WDR49: variants seen among roughly 807,000 people sequenced by gnomAD.
WDR49 encodes the protein cilia- and flagella-associated protein 337.
Under a neutral mutation model 119.5 loss-of-function variants are expected in WDR49, and 107 were observed. That is an observed-to-expected ratio of 0.90 (90% CI 0.77 to 1.05). The LOEUF (loss-of-function observed/expected upper bound fraction) is 1.05, where lower values mean the gene tolerates loss of function less well. WDR49 is among the 50% of genes least tolerant of loss of function. WDR49 has a pLI of 0.00. For synonymous variants in WDR49, 425 were observed against 418.8 expected (o/e 1.01, Z -0.18); for missense variants, 1,240 against 1,220.5 (o/e 1.02, Z -0.24).
At chr3:167,651,456 C>A (rs1718375062) in intron 2 of WDR49, among the ~76,000 whole-genome samples, 1 of 152,166 alleles carries the variant, frequency 6.6e-6, no homozygotes. Flanking sequence ...TCATCTAGTG[C>A]ATCATTCTTC....
At chr3:167,618,449 TAA>T (rs1716706385) in intron 5 of WDR49, among the ~76,000 whole-genome samples, 1 of 152,182 alleles carries the variant, frequency 6.6e-6, no homozygotes, top group Admixed American at 6.5e-5. Context: ...ATAATTCAAA[TAA>T]AGTGTTTAAA....
At chr3:167,578,693 C>G (rs1394099094) in intron 7 of WDR49, among the ~76,000 whole-genome samples, 2 of 152,094 alleles carry the variant, frequency 1.3e-5, no homozygotes, top group Non-Finnish European at 1.5e-5. Context: ...AGCAAGTCAT[C>G]CAGAATGGAG....
chr3:167,624,185 A>C (rs1373003189), intron 3 of WDR49, among the ~76,000 whole-genome samples: 1 of 151,948 alleles, frequency 6.6e-6, no homozygotes, highest in African/African-American at 2.4e-5. Context: ...ATAAGATATA[A>C]ATGCAGGCCT....
intron 3 of WDR49, among the ~76,000 whole-genome samples, chr3:167,624,494 C>T (rs1717030948): frequency 6.6e-6 from 1 of 152,064 alleles, no homozygotes; most frequent in South Asian, 2.1e-4. Flanking sequence ...CAAAACACTG[C>T]TAGGAAATTT....
intron 11 of WDR49, among the ~76,000 whole-genome samples, chr3:167,534,707 A>G (rs1279708852): frequency 6.6e-6 from 1 of 152,158 alleles, no homozygotes; most frequent in Non-Finnish European, 1.5e-5. Flanking sequence ...TGAAAATTTC[A>G]TGGTGCAATC....
chr3:167,530,256 T>C (rs1752799525), intron 13 of WDR49, among the ~76,000 whole-genome samples: 1 of 152,084 alleles, frequency 6.6e-6, no homozygotes, highest in African/African-American at 2.4e-5. Flanking sequence ...ACAATAAACA[T>C]AATTCAGATA....
chr3:167,562,116 A>G (rs1713300961), intron 8 of WDR49, among the ~76,000 whole-genome samples: 1 of 152,158 alleles, frequency 6.6e-6, no homozygotes, highest in Non-Finnish European at 1.5e-5. Context: ...GAGGGCCCAC[A>G]GCTTTCATCA....
intron 16 of WDR49, among the ~76,000 whole-genome samples, chr3:167,508,423 G>A (rs1046495476): frequency 6.6e-6 from 1 of 152,252 alleles, no homozygotes; most frequent in African/African-American, 2.4e-5. Context: ...TTGTGAAATG[G>A]GGATGACAAT....
At chr3:167,614,758 T>C (rs1716515021) in intron 5 of WDR49, among the ~76,000 whole-genome samples, 1 of 152,232 alleles carries the variant, frequency 6.6e-6, no homozygotes, top group African/African-American at 2.4e-5. Context: ...TAAAAATTAT[T>C]ATCATATTTG....
At chr3:167,596,920 T>G (rs1715491090) in intron 7 of WDR49, among the ~76,000 whole-genome samples, 1 of 148,832 alleles carries the variant, frequency 6.7e-6, no homozygotes, top group African/African-American at 2.5e-5. Flanking sequence ...TTGCCATACT[T>G]TACAATTTTC....
At chr3:167,654,042 C>T (rs955304488), upstream of WDR49, 2 of 152,188 alleles carry the variant, frequency 1.3e-5, no homozygotes, top group African/African-American at 4.8e-5. Flanking sequence ...TTCCCTTTCA[C>T]TTCCCCCTCT....
chr3:167,651,727 G>A (rs1282495824), intron 2 of WDR49, among the ~76,000 whole-genome samples: 1 of 151,954 alleles, frequency 6.6e-6, no homozygotes, highest in Admixed American at 6.6e-5. Context: ...AACCGGTAAT[G>A]TCAAAATAAG....
At chr3:167,602,090 G>A (rs1560307607) in intron 7 of WDR49, 37 bp downstream of exon 7, 2 of 1,545,476 alleles carry the variant, frequency 1.3e-6, no homozygotes, top group Admixed American at 3.5e-5. Context: ...AATCGGGGAA[G>A]CAAAACTAAA....
chr3:167,568,223 A>T (rs553695845), intron 8 of WDR49, among the ~76,000 whole-genome samples: 66 of 152,246 alleles, frequency 4.3e-4, no homozygotes, highest in Admixed American at 8.5e-4. Context: ...CAGCTTCTTG[A>T]TTGGCAGAAT....
At chr3:167,541,036 C>T (rs1711787235) in intron 10 of WDR49, among the ~76,000 whole-genome samples, 1 of 151,702 alleles carries the variant, frequency 6.6e-6, no homozygotes, top group Non-Finnish European at 1.5e-5. Flanking sequence ...ATAAAGACTC[C>T]AAGAAATTTG....
intron 15 of WDR49, among the ~76,000 whole-genome samples, chr3:167,527,328 G>C: frequency 6.6e-6 from 1 of 152,010 alleles, no homozygotes. Context: ...TCTTAGAACA[G>C]TACCCCACGT....
chr3:167,623,300 G>T (rs1450991311), intron 3 of WDR49, among the ~76,000 whole-genome samples: 1 of 151,916 alleles, frequency 6.6e-6, no homozygotes, highest in Non-Finnish European at 1.5e-5. Flanking sequence ...CTAAATACTA[G>T]CAAAGAGAAT....
chr3:167,600,751 G>A (rs1045840218), intron 7 of WDR49, among the ~76,000 whole-genome samples: 1 of 152,180 alleles, frequency 6.6e-6, no homozygotes, highest in African/African-American at 2.4e-5. Flanking sequence ...AAATGTGGAG[G>A]ATAAATAGGC....
intron 7 of WDR49, among the ~76,000 whole-genome samples, chr3:167,597,853 A>T (rs773855157): frequency 3.3e-5 from 5 of 152,150 alleles, no homozygotes; most frequent in Non-Finnish European, 7.3e-5. Flanking sequence ...TCCCCACTGT[A>T]TCTTGGAAAT....
Sources: gnomAD v4.1 joint callset for allele counts (sites outside exome capture counted in the v4.1 genomes callset) on GRCh38, gnomAD v4.1.1 for gene constraint, MANE v1.5 for transcripts, NCBI Gene and HGNC (gene_info 2026-07-23, HGNC 2026-07-21) for gene names.